The following CNTNAP2 variants were observed in gnomAD, a reference collection of about 807,000 sequenced individuals.
CNTNAP2 encodes the protein contactin-associated protein-like 2.
A neutral mutation model predicts 155.2 loss-of-function variants in CNTNAP2; 98 were observed. The observed-to-expected ratio is 0.63, with a 90% CI of 0.54 to 0.75. CNTNAP2 has a LOEUF of 0.75. Ranked by LOEUF, CNTNAP2 falls within the 30% of genes least tolerant of loss-of-function variation. The pLI is 0.00. For missense variants in CNTNAP2, 1,727 were observed against 1,688.1 expected, an observed-to-expected ratio of 1.02 and a Z score of -0.40; for synonymous variants, 651 against 631.2, an observed-to-expected ratio of 1.03 and a Z score of -0.47.
At chr7:147,041,139 A>C (rs1199817215) in intron 3 of CNTNAP2, among the ~76,000 whole-genome samples, 1 of 152,136 alleles carries the variant, frequency 6.6e-6, no homozygotes, top group Non-Finnish European at 1.5e-5. Flanking sequence ...CAACAACAAC[A>C]ATACATGCTA....
chr7:147,107,130 T>C (rs1346364313), intron 4 of CNTNAP2, among the ~76,000 whole-genome samples: 2 of 152,304 alleles, frequency 1.3e-5, no homozygotes, highest in Admixed American at 6.5e-5. Flanking sequence ...ATTGAAAAGA[T>C]TTTTAACAGT....
intron 12 of CNTNAP2, among the ~76,000 whole-genome samples, chr7:147,564,642 T>A (rs980317333): frequency 6.6e-6 from 1 of 152,234 alleles, no homozygotes; most frequent in South Asian, 2.1e-4. Flanking sequence ...ATATACATAA[T>A]TCTCATATCA....
At chr7:146,308,201 T>G (rs1259215953) in intron 1 of CNTNAP2, among the ~76,000 whole-genome samples, 4 of 152,168 alleles carry the variant, frequency 2.6e-5, no homozygotes, top group African/African-American at 7.2e-5. Context: ...AGAAGACATT[T>G]ATGCAGCCAA....
chr7:146,212,884 G>A (rs2116885393), intron 1 of CNTNAP2, among the ~76,000 whole-genome samples: 1 of 152,268 alleles, frequency 6.6e-6, no homozygotes, highest in Admixed American at 6.5e-5. Context: ...GATGATGCCT[G>A]CTAATATCTC....
intron 9 of CNTNAP2, among the ~76,000 whole-genome samples, chr7:147,367,119 G>T (rs1007736275): frequency 6.6e-6 from 1 of 152,102 alleles, no homozygotes; most frequent in African/African-American, 2.4e-5. Context: ...ACACACAAAA[G>T]ATAATTTAAC....
At chr7:147,996,937 G>A (rs1042749273) in intron 15 of CNTNAP2, among the ~76,000 whole-genome samples, 2 of 152,106 alleles carry the variant, frequency 1.3e-5, no homozygotes, top group African/African-American at 4.8e-5. Context: ...TGGGGCTCTG[G>A]GAGGCAATTA....
chr7:146,726,299 A>C (rs953397899), intron 1 of CNTNAP2, among the ~76,000 whole-genome samples: 2 of 152,208 alleles, frequency 1.3e-5, no homozygotes, highest in Non-Finnish European at 2.9e-5. Flanking sequence ...ACACTTTATG[A>C]TTTGATTGTA....
intron 8 of CNTNAP2, among the ~76,000 whole-genome samples, chr7:147,174,568 A>T (rs778855698): frequency 5.3e-5 from 8 of 152,180 alleles, no homozygotes; most frequent in Admixed American, 1.3e-4. Context: ...CGTGACTTAG[A>T]AACTCTATAA....
chr7:147,856,887 G>T (rs533307345), intron 13 of CNTNAP2, among the ~76,000 whole-genome samples: 1 of 152,068 alleles, frequency 6.6e-6, no homozygotes, highest in African/African-American at 2.4e-5. Context: ...ACAGATTTGA[G>T]TGTACCCCTC....
At chr7:146,946,212 G>A (rs940875826) in intron 3 of CNTNAP2, among the ~76,000 whole-genome samples, 2 of 147,738 alleles carry the variant, frequency 1.4e-5, no homozygotes. Context: ...TTATTCCCCT[G>A]TAGAATCAGA....
At chr7:146,425,876 A>G (rs1306439463) in intron 1 of CNTNAP2, among the ~76,000 whole-genome samples, 2 of 152,036 alleles carry the variant, frequency 1.3e-5, no homozygotes, top group Admixed American at 1.3e-4. Flanking sequence ...AATTTTAATT[A>G]AAATTAAAAG....
At chr7:147,165,337 G>C (rs897955731) in intron 8 of CNTNAP2, among the ~76,000 whole-genome samples, 1 of 151,852 alleles carries the variant, frequency 6.6e-6, no homozygotes, top group African/African-American at 2.4e-5. Flanking sequence ...TCTACTTTTT[G>C]ATGGGATTGT....
intron 4 of CNTNAP2, among the ~76,000 whole-genome samples, chr7:147,046,800 A>C (rs555386053): frequency 2.4e-3 from 361 of 151,960 alleles, no homozygotes; most frequent in African/African-American, 8.0e-3. Context: ...GAGGCCAAGG[A>C]GGGCGGATCA....
At chr7:146,567,821 G>C (rs527497457) in intron 1 of CNTNAP2, among the ~76,000 whole-genome samples, 6 of 152,126 alleles carry the variant, frequency 3.9e-5, no homozygotes, top group Admixed American at 6.5e-5. Context: ...CCCGGGTTCA[G>C]GCCATTCTCC....
chr7:148,171,149 T>G (rs1363261629), intron 17 of CNTNAP2, among the ~76,000 whole-genome samples: 2 of 152,212 alleles, frequency 1.3e-5, no homozygotes, highest in East Asian at 3.8e-4. Flanking sequence ...ATGGGAATAA[T>G]GCAAATAATA....
At chr7:146,679,392 G>A (rs1267243483) in intron 1 of CNTNAP2, among the ~76,000 whole-genome samples, 3 of 112,888 alleles carry the variant, frequency 2.7e-5, no homozygotes, top group African/African-American at 1.0e-4. Flanking sequence ...ACATTGTCCT[G>A]TTGCCAAGGC....
rs537410122 is a variant in CNTNAP2, at chr7:146,868,164, A to C, written c.402+28260A>C. Among the ~76,000 whole-genome samples the C allele has an allele frequency of 3.9e-5, 6 of 152,232 alleles. No homozygotes were observed. The South Asian group carries it at 1.2e-3, about 32-fold the overall frequency. On this transcript the variant is annotated intron_variant, in intron 3 of 23. Coordinates refer to ENST00000361727, the MANE Select transcript of CNTNAP2 (RefSeq NM_014141.6). ...GTTTATAGTTTTGGATTTTACATTT[A>C]AGTCTTTAATCCATCTTGAGTTGAT...
intron 13 of CNTNAP2, among the ~76,000 whole-genome samples, chr7:147,802,413 G>A (rs1584963220): frequency 6.6e-6 from 1 of 152,126 alleles, no homozygotes; most frequent in Non-Finnish European, 1.5e-5. Context: ...ACTTTGGGAG[G>A]CCAAGGCAGG....
At chr7:148,211,500 C>A (rs1156853131) in intron 18 of CNTNAP2, among the ~76,000 whole-genome samples, 1 of 152,200 alleles carries the variant, frequency 6.6e-6, no homozygotes, top group Non-Finnish European at 1.5e-5. Flanking sequence ...CCTCGCTTCT[C>A]AGCTCCTTAT....
Sources: allele counts gnomAD v4.1 joint callset (sites outside exome capture counted in the v4.1 genomes callset), GRCh38; gene constraint gnomAD v4.1.1; transcripts MANE v1.5; gene names NCBI Gene and HGNC (gene_info 2026-07-23, HGNC 2026-07-21).